Variants in SP6 observed in about 807,000 individuals in gnomAD.
The protein encoded by SP6 is transcription factor Sp6.
SP6 carries 10 observed loss-of-function variants against 23.4 expected under a neutral mutation model. That is an observed-to-expected ratio of 0.43 (90% CI 0.26 to 0.72). The LOEUF (loss-of-function observed/expected upper bound fraction) is 0.72, where lower values mean the gene tolerates loss of function less well. Ranked by LOEUF, SP6 falls within the 30% of genes least tolerant of loss-of-function variation. The pLI, the probability that SP6 is intolerant of heterozygous loss-of-function variation, is 0.23. For synonymous variants in SP6, 238 were observed against 238.7 expected, an observed-to-expected ratio of 1.00 and a Z score of 0.03; for missense variants, 482 against 523.8, an observed-to-expected ratio of 0.92 and a Z score of 0.78.
the SP6 span, among the ~76,000 whole-genome samples, chr17:47,861,782 A>C: frequency 3.3e-5 from 5 of 152,066 alleles, no homozygotes; most frequent in Non-Finnish European, 1.5e-5. Flanking sequence ...ACGGTGGCTC[A>C]CACCTATAAT....
upstream of SP6, among the ~76,000 whole-genome samples, chr17:47,851,987 C>T (rs2033961572): frequency 6.6e-6 from 1 of 151,946 alleles, no homozygotes; most frequent in African/African-American, 2.4e-5. Flanking sequence ...ATTCGCCTCT[C>T]CTCGCCCTCC....
At chr17:47,875,748 C>T in the SP6 span, among the ~76,000 whole-genome samples, 1 of 152,226 alleles carries the variant, frequency 6.6e-6, no homozygotes, top group Non-Finnish European at 1.5e-5. Flanking sequence ...GCCTGATTCT[C>T]TGAAAACTTT....
the SP6 span, among the ~76,000 whole-genome samples, chr17:47,867,448 C>G: frequency 6.6e-6 from 1 of 152,308 alleles, no homozygotes; most frequent in South Asian, 2.1e-4. Context: ...GCCTGAAATA[C>G]CTCTAGAGGA....
chr17:47,863,656 C>T, the SP6 span, among the ~76,000 whole-genome samples: 1 of 149,722 alleles, frequency 6.7e-6, no homozygotes, highest in African/African-American at 2.4e-5. Flanking sequence ...GCAACCTCTG[C>T]CTCCCGGGTC....
upstream of SP6, among the ~76,000 whole-genome samples, chr17:47,856,156 G>T (rs533684236): frequency 4.9e-4 from 75 of 152,242 alleles, 3 homozygotes; most frequent in South Asian, 0.015. Flanking sequence ...CACACCACAC[G>T]TCTTCAAGTC....
the SP6 span, among the ~76,000 whole-genome samples, chr17:47,876,096 G>C: frequency 6.6e-6 from 1 of 152,202 alleles, no homozygotes; most frequent in Non-Finnish European, 1.5e-5. Context: ...ATGTGTCACT[G>C]TGGGTCTGGC....
rs757114113 is a variant in SP6, at chr17:47,848,412, G to T, written c.18C>A (p.Cys6Ter). The change falls in exon 2 of 2, where the codon TGC becomes TGA. Residue 6 changes from cysteine (C) to a stop codon, truncating the protein, a stop_gained. Transcript: ENST00000536300. LOFTEE classifies it high-confidence loss of function. The surrounding 1 kb of genome is among the most constrained non-coding windows in gnomAD (Gnocchi z 5.3). MLTAV[C>*]GSLGSQHTEA... is the part of the protein sequence containing the mutation. The stretch of plus-strand genomic sequence containing the variant: ...CCGTGTGCTGGCTGCCCAGAGAGCC[G>T]CAGACAGCGGTTAGCATTGCCGGGA... 2 of 1,523,420 alleles carry T rather than the reference G, an allele frequency of 1.3e-6. No homozygotes were observed. The allele number at this position is 1,523,420 out of a possible 1,614,324, so 94.4% of individuals were successfully genotyped here.
upstream of SP6, among the ~76,000 whole-genome samples, chr17:47,860,169 G>A (rs570144227): frequency 5.0e-4 from 76 of 151,930 alleles, no homozygotes; most frequent in Non-Finnish European, 8.7e-4. Flanking sequence ...CATCCTTACC[G>A]TCCACATATT....
At chr17:47,857,769 G>C (rs777685661), upstream of SP6, among the ~76,000 whole-genome samples, 34 of 152,154 alleles carry the variant, frequency 2.2e-4, 1 homozygote, top group African/African-American at 9.7e-5. Context: ...AGCTTGGAGT[G>C]GGGGGCGGGA....
rs768829645 is a variant in SP6 at position 47,847,349 on chromosome 17, C to CG, written c.1080dup (p.Gly361ArgfsTer78). ...TCGGCCTCGCGTTTGCCTTTGCCCC[C>CG]GGGGGGCTCCACTGCGCCGCCGGCC... On this transcript the variant is annotated frameshift_variant, in exon 2 of 2. Transcript: ENST00000536300. LOFTEE classifies it high-confidence loss of function. The CG allele has an allele frequency of 2.5e-6, 4 of 1,600,030 alleles. No individual in the cohort carries two copies. Among genetic ancestry groups the CG allele is most frequent in the East Asian group, 2.3e-5 (1 of 44,358 alleles).
At chr17:47,852,626 G>A (rs951330930), upstream of SP6, among the ~76,000 whole-genome samples, 14 of 151,848 alleles carry the variant, frequency 9.2e-5, no homozygotes, top group South Asian at 2.1e-4. Flanking sequence ...CTGCATGCCC[G>A]TTTGGGACAC....
At chr17:47,873,176 A>G in the SP6 span, among the ~76,000 whole-genome samples, 1 of 152,160 alleles carries the variant, frequency 6.6e-6, no homozygotes. Flanking sequence ...CGTCAAATCA[A>G]GCATATTTGG....
At chr17:47,850,034 TCAC>T (rs1224941078) in intron 1 of SP6, among the ~76,000 whole-genome samples, 1 of 152,056 alleles carries the variant, frequency 6.6e-6, no homozygotes, top group Non-Finnish European at 1.5e-5. Context: ...TCCGGCTGCC[TCAC>T]CACAAGAGGA....
upstream of SP6, among the ~76,000 whole-genome samples, chr17:47,851,541 C>A (rs2033956724): frequency 6.6e-6 from 1 of 152,200 alleles, no homozygotes; most frequent in African/African-American, 2.4e-5. Context: ...AGGCAGCAAC[C>A]CTTAGGTTGC....
chr17:47,872,810 G>A, the SP6 span, among the ~76,000 whole-genome samples: 2 of 125,420 alleles, frequency 1.6e-5, no homozygotes, highest in African/African-American at 7.8e-5. Flanking sequence ...AGGCAGAGCC[G>A]TAGGAGGCCC....
the SP6 span, among the ~76,000 whole-genome samples, chr17:47,872,728 C>A: frequency 6.6e-6 from 1 of 152,178 alleles, no homozygotes; most frequent in Non-Finnish European, 1.5e-5. Flanking sequence ...CTCTCACCAG[C>A]CCCCCGGCGG....
At chr17:47,852,956 G>A (rs4793681), upstream of SP6, among the ~76,000 whole-genome samples, 67,534 of 151,732 alleles carry the variant, frequency 0.45, 16,060 homozygotes, top group African/African-American at 0.59. Flanking sequence ...GTCAGTTCCA[G>A]GTAAATATTG....
upstream of SP6, among the ~76,000 whole-genome samples, chr17:47,851,738 C>A (rs915524170): frequency 1.3e-5 from 2 of 148,812 alleles, no homozygotes; most frequent in African/African-American, 2.5e-5. Flanking sequence ...CCCTGCCTCA[C>A]CCCCCGCACC....
the SP6 span, among the ~76,000 whole-genome samples, chr17:47,871,550 T>C: frequency 6.6e-6 from 1 of 152,216 alleles, no homozygotes; most frequent in African/African-American, 2.4e-5. Context: ...TTTGTCTCTG[T>C]GCCTCCAACT....
Sources: allele counts gnomAD v4.1 joint callset (sites outside exome capture counted in the v4.1 genomes callset), GRCh38; gene constraint gnomAD v4.1.1; non-coding constraint Gnocchi (gnomAD v3.1); transcripts MANE v1.5; gene names NCBI Gene and HGNC (gene_info 2026-07-23, HGNC 2026-07-21).